Variants in DOCK5 observed in about 807,000 individuals in gnomAD.
DOCK5 encodes dedicator of cytokinesis 5, also known as dedicator of cytokinesis protein 5.
In DOCK5, 142 loss-of-function variants were observed where a neutral mutation model predicts 251.8. The ratio of observed to expected loss-of-function variants is 0.56; its 90% CI spans 0.49 to 0.65. The LOEUF is 0.65. DOCK5 is among the 30% of genes least tolerant of loss of function. The pLI is 0.00. For missense variants in DOCK5, 2,111 were observed against 2,312.3 expected (o/e 0.91, Z 1.79); for synonymous variants, 842 against 835.5 (o/e 1.01, Z -0.13).
intron 27 of DOCK5, 78 bp from the exon 28 acceptor site, chr8:25,358,885 G>A: frequency 7.5e-7 from 1 of 1,339,346 alleles, no homozygotes; most frequent in South Asian, 1.2e-5. Context: ...GAAAAGCCAA[G>A]TTCATGGGGC....
In DOCK5 at chr8:25,334,096, G is replaced by C. The variant is rs1172029041; in HGVS notation, c.2092G>C (p.Val698Leu). Residue 698 changes from valine (V) to leucine (L), a missense_variant and splice_region_variant, in exon 21 of 52, where the codon GTA becomes CTA. By Grantham distance (32) the Val-to-Leu change is conservative (BLOSUM62 1). Around this residue, in one of 3 missense-constraint regions of DOCK5, gnomAD observed 1,717 missense variants for 1,892.4 expected, o/e 0.91. Coordinates refer to ENST00000276440, the MANE Select transcript of DOCK5 (RefSeq NM_024940.8). ...TYDFLVFDAL[V>L]FIISLIGDIK... The stretch of plus-strand genomic sequence containing the variant: ...TATTTCTATTTTTCACTTTTGGCAG[G>C]TATTTATTATTTCACTGATAGGAGA... 1.9e-6 allele frequency: 3 copies of C among 1,612,116 alleles called. No individual in the cohort carries two copies. The highest frequency in any genetic ancestry group is 2.5e-6 in the Non-Finnish European group (3 of 1,178,470).
intron 2 of DOCK5, among the ~76,000 whole-genome samples, chr8:25,253,644 C>G (rs753830264): frequency 6.6e-6 from 1 of 152,148 alleles, no homozygotes; most frequent in Non-Finnish European, 1.5e-5. Flanking sequence ...TACTTCTCCT[C>G]TTGCTTATAT....
chr8:25,200,428 C>T (rs1301854394), intron 1 of DOCK5, among the ~76,000 whole-genome samples: 1 of 152,134 alleles, frequency 6.6e-6, no homozygotes, highest in Non-Finnish European at 1.5e-5. Flanking sequence ...ACTATATAGC[C>T]ATTAAAAAGA....
At position 25,374,636 on chromosome 8, in the gene DOCK5, G is replaced by A. The variant is rs1304976828; in HGVS notation, c.3798G>A (p.Leu1266=). ...CAGAAGCTGCCTACACGCTTCTCTT[G>A]CACGCTGAGCTTCTGCAGGTGAATG... ...NYTEAAYTLL[L]HAELLQWSDK... The change falls in exon 37 of 52, where the codon TTG becomes TTA. Residue 1266 remains leucine (L), a synonymous_variant. Coordinates refer to ENST00000276440, the MANE Select transcript of DOCK5 (RefSeq NM_024940.8). The A allele has an allele frequency of 1.2e-6, 2 of 1,613,704 alleles. No individual in the cohort carries two copies. The highest frequency in any genetic ancestry group is 1.3e-5 in the African/African-American group (1 of 74,870).
Position 25,332,665 on chromosome 8 carries a change from C to G in DOCK5, c.2064C>G (p.Thr688=), listed in dbSNP as rs764485294. 6.2e-7 allele frequency: 1 copy of G among 1,612,460 alleles called. No homozygotes were observed. The highest frequency in any genetic ancestry group is 1.1e-5 in the South Asian group (1 of 90,800). The change falls in exon 20 of 52, where the codon ACC becomes ACG. Residue 688 remains threonine, a synonymous_variant. Coordinates refer to ENST00000276440, the MANE Select transcript of DOCK5 (RefSeq NM_024940.8). ...TGATGGAAATGTCAGACAGTGAAAC[C>G]TATGACTTCCTTGTGTTTGACGCAC... ...NIMMEMSDSE[T]YDFLVFDALV...
At chr8:25,197,777 G>T (rs1194954811) in intron 1 of DOCK5, among the ~76,000 whole-genome samples, 3 of 138,994 alleles carry the variant, frequency 2.2e-5, no homozygotes, top group African/African-American at 5.3e-5. Context: ...TTGAGACGGA[G>T]TCTCGCTCTG....
At chr8:25,230,555 G>C (rs1254616077) in intron 1 of DOCK5, among the ~76,000 whole-genome samples, 1 of 152,094 alleles carries the variant, frequency 6.6e-6, no homozygotes, top group Non-Finnish European at 1.5e-5. Context: ...AATGCATGAA[G>C]AATATTTATA....
chr8:25,357,990 T>G (rs1454747071), intron 27 of DOCK5, among the ~76,000 whole-genome samples: 6 of 152,154 alleles, frequency 3.9e-5, no homozygotes, highest in Admixed American at 6.5e-5. Flanking sequence ...TGTTAATGAA[T>G]CATCTAGTTA....
chr8:25,371,338 G>A (rs1394265416), intron 34 of DOCK5, among the ~76,000 whole-genome samples: 3 of 152,116 alleles, frequency 2.0e-5, no homozygotes, highest in Non-Finnish European at 4.4e-5. Flanking sequence ...CACCGTGATG[G>A]ATGCCTGTAG....
At chr8:25,360,484 G>T (rs1416236313) in intron 28 of DOCK5, among the ~76,000 whole-genome samples, 1 of 152,182 alleles carries the variant, frequency 6.6e-6, no homozygotes, top group African/African-American at 2.4e-5. Flanking sequence ...ACAGGCAGGT[G>T]GTGTAGCGGG....
Position 25,184,759 on chromosome 8 carries a change from G to GCGGCGAGGAGGCGGCC in DOCK5, c.-147_-132dup, listed in dbSNP as rs1801383743. The stretch of plus-strand genomic sequence containing the variant: ...GGGCACGGGCACGGGCGCGGGCGGC[G>GCGGCGAGGAGGCGGCC]CGGCGAGGAGGCGGCCCGCGGAGTC... On this transcript the variant is annotated 5_prime_UTR_variant, in exon 1 of 52. Coordinates refer to ENST00000276440, the MANE Select transcript of DOCK5 (RefSeq NM_024940.8). The GCGGCGAGGAGGCGGCC allele has an allele frequency of 1.6e-6, 1 of 626,724 alleles. No homozygotes were observed. The highest frequency in any genetic ancestry group is 4.5e-5 in the East Asian group (1 of 22,300). The allele number at this position is 626,724 out of a possible 1,614,324, so 38.8% of individuals were successfully genotyped here.
At chr8:25,325,275 C>G (rs889064402) in intron 17 of DOCK5, 89 bp from the exon 18 acceptor site, 17 of 1,408,852 alleles carry the variant, frequency 1.2e-5, no homozygotes, top group Non-Finnish European at 1.7e-5. Flanking sequence ...CCACGCTTCT[C>G]ATGCTGAAAA....
intron 1 of DOCK5, among the ~76,000 whole-genome samples, chr8:25,218,920 C>G (rs1017977206): frequency 1.3e-5 from 2 of 152,196 alleles, no homozygotes; most frequent in African/African-American, 2.4e-5. Flanking sequence ...GGAGCACTAA[C>G]AGGCTTATAA....
intron 18 of DOCK5, among the ~76,000 whole-genome samples, chr8:25,330,569 T>C (rs1805659464): frequency 6.6e-6 from 1 of 152,070 alleles, no homozygotes; most frequent in Admixed American, 6.6e-5. Context: ...ATGGTGGTGG[T>C]TGGAAGTATG....
chr8:25,278,295 A>G (rs1804100947), intron 4 of DOCK5, among the ~76,000 whole-genome samples: 1 of 151,042 alleles, frequency 6.6e-6, no homozygotes, highest in Admixed American at 6.6e-5. Flanking sequence ...TGGCTCAGTA[A>G]TCGAGTCTCC....
At chr8:25,298,171 G>A (rs987528298) in intron 7 of DOCK5, among the ~76,000 whole-genome samples, 4 of 150,806 alleles carry the variant, frequency 2.7e-5, no homozygotes, top group African/African-American at 9.8e-5. Flanking sequence ...AAAGATTTGT[G>A]TCAATTTTCT....
intron 11 of DOCK5, among the ~76,000 whole-genome samples, chr8:25,307,520 C>G (rs893910401): frequency 1.3e-5 from 2 of 151,930 alleles, no homozygotes; most frequent in African/African-American, 4.8e-5. Flanking sequence ...TATAAATGTA[C>G]CATATATATT....
rs112254555 is a variant in DOCK5, at chr8:25,263,557, C to T, written c.128-5288C>T. ...TAGATTTAGCTATTTGATCAGTTCC[C>T]TGGTATGTAACTGATCACTCATCCT... On this transcript the variant is annotated intron_variant, in intron 2 of 51. Transcript: ENST00000276440. Among the ~76,000 whole-genome samples the T allele has an allele frequency of 6.6e-3, 997 of 151,846 alleles. 33 individuals carry two copies. The highest frequency in any genetic ancestry group is 0.023 in the African/African-American group (961 of 41,154).
At chr8:25,272,089 C>T (rs117822407) in intron 3 of DOCK5, among the ~76,000 whole-genome samples, 2,692 of 152,284 alleles carry the variant, frequency 0.018, 40 homozygotes, top group Non-Finnish European at 0.024. Context: ...AGTACAGTGG[C>T]GTGATCACAG....
Sources: gnomAD v4.1 joint callset for allele counts (sites outside exome capture counted in the v4.1 genomes callset) on GRCh38, gnomAD v4.1.1 for gene constraint, gnomAD v4.1.1 regional missense constraint, MANE v1.5 for transcripts, NCBI Gene and HGNC (gene_info 2026-07-23, HGNC 2026-07-21) for gene names.